SPAG16: variants seen among roughly 807,000 people sequenced by gnomAD.
The protein encoded by SPAG16 is sperm associated antigen 16.
SPAG16 carries 86 observed loss-of-function variants against 80.4 expected under a neutral mutation model. That is an observed-to-expected ratio of 1.07 (90% CI 0.90 to 1.28). The LOEUF is 1.28. Ranked by LOEUF, SPAG16 falls within the 50% of genes most tolerant of loss-of-function variation. SPAG16 has a pLI of 0.00. For synonymous variants in SPAG16, 294 were observed against 265.9 expected, an observed-to-expected ratio of 1.11 and a Z score of -1.03; for missense variants, 870 against 765.3, an observed-to-expected ratio of 1.14 and a Z score of -1.61.
At chr2:214,347,864 G>A (rs189197946) in intron 15 of SPAG16, among the ~76,000 whole-genome samples, 10 of 152,288 alleles carry the variant, frequency 6.6e-5, no homozygotes, top group African/African-American at 2.4e-4. Flanking sequence ...CCATTCAGCT[G>A]TGAACACAAG....
chr2:213,969,501 TAGGCCTTTATAAACGAAGCTTCACATAGC>T (rs1200926920), intron 12 of SPAG16, among the ~76,000 whole-genome samples: 1 of 152,144 alleles, frequency 6.6e-6, no homozygotes, highest in Non-Finnish European at 1.5e-5. Flanking sequence ...CAGTGGGATT[TAGGCCTTTATAAACGAAGCTTCACATAGC>T]ATTTGGCTTT....
chr2:214,028,071 T>C (rs2048225557), intron 13 of SPAG16, among the ~76,000 whole-genome samples: 1 of 151,964 alleles, frequency 6.6e-6, no homozygotes, highest in Non-Finnish European at 1.5e-5. Context: ...ACACACATTT[T>C]TATGATGTGT....
At chr2:213,347,744 T>G (rs2065078437) in intron 6 of SPAG16, among the ~76,000 whole-genome samples, 1 of 152,236 alleles carries the variant, frequency 6.6e-6, no homozygotes, top group Non-Finnish European at 1.5e-5. Context: ...CACTGTGGTC[T>G]GAGAGATAGT....
intron 9 of SPAG16, among the ~76,000 whole-genome samples, chr2:213,402,672 C>T (rs1438783480): frequency 5.3e-5 from 8 of 151,430 alleles, no homozygotes; most frequent in South Asian, 2.1e-4. Flanking sequence ...TGAGAACATG[C>T]GGTGTTTGGT....
chr2:214,070,654 A>G (rs772836872), intron 13 of SPAG16, among the ~76,000 whole-genome samples: 1 of 152,086 alleles, frequency 6.6e-6, no homozygotes, highest in South Asian at 2.1e-4. Flanking sequence ...TGAGCTGATC[A>G]TATAGATTCC....
chr2:213,704,929 C>G (rs1226441701), intron 10 of SPAG16, among the ~76,000 whole-genome samples: 1 of 151,996 alleles, frequency 6.6e-6, no homozygotes, highest in Admixed American at 6.6e-5. Flanking sequence ...TCTGCCTGAA[C>G]TACGGTAGTG....
At chr2:213,495,809 A>C (rs1056457865) in intron 10 of SPAG16, among the ~76,000 whole-genome samples, 1 of 152,158 alleles carries the variant, frequency 6.6e-6, no homozygotes, top group East Asian at 1.9e-4. Flanking sequence ...GTCAGAGAGA[A>C]CAGCAAATGC....
At chr2:214,214,099 G>A (rs1009805178) in intron 15 of SPAG16, among the ~76,000 whole-genome samples, 2 of 151,580 alleles carry the variant, frequency 1.3e-5, no homozygotes, top group Non-Finnish European at 2.9e-5. Context: ...TTTATTCTAT[G>A]GAAACAATTT....
chr2:213,417,056 G>A (rs1031211367), intron 9 of SPAG16, among the ~76,000 whole-genome samples: 1 of 152,162 alleles, frequency 6.6e-6, no homozygotes, highest in Non-Finnish European at 1.5e-5. Context: ...ATTGACTCGT[G>A]GGGTGTATGG....
At chr2:213,425,018 G>A (rs957677516) in intron 9 of SPAG16, among the ~76,000 whole-genome samples, 2 of 152,170 alleles carry the variant, frequency 1.3e-5, no homozygotes, top group Non-Finnish European at 2.9e-5. Context: ...CAAAGTAAGA[G>A]TATATATGAA....
chr2:213,851,186 T>A (rs1006132402), intron 10 of SPAG16, among the ~76,000 whole-genome samples: 1 of 152,186 alleles, frequency 6.6e-6, no homozygotes, highest in African/African-American at 2.4e-5. Flanking sequence ...AAAGAATTGA[T>A]ACGATGTTTA....
chr2:213,287,357 T>G (rs1309646733), intron 1 of SPAG16, among the ~76,000 whole-genome samples: 1 of 152,216 alleles, frequency 6.6e-6, no homozygotes, highest in Non-Finnish European at 1.5e-5. Flanking sequence ...TGCCTATTAA[T>G]GTATGGCTGC....
At chr2:214,027,187 G>T (rs1230697413) in intron 13 of SPAG16, among the ~76,000 whole-genome samples, 1 of 151,388 alleles carries the variant, frequency 6.6e-6, no homozygotes, top group Non-Finnish European at 1.5e-5. Flanking sequence ...ATTTTTGTAT[G>T]CTATAGATAA....
chr2:213,711,559 G>A (rs774699797), intron 10 of SPAG16, among the ~76,000 whole-genome samples: 14 of 142,204 alleles, frequency 9.8e-5, no homozygotes, highest in Non-Finnish European at 9.1e-5. Context: ...GTCTTGCTCT[G>A]TTGCTCAGGC....
At chr2:214,140,258 G>GTT (rs35877599) in intron 14 of SPAG16, among the ~76,000 whole-genome samples, 1 of 150,170 alleles carries the variant, frequency 6.7e-6, no homozygotes, top group Non-Finnish European at 1.5e-5. Flanking sequence ...TTTATTTTGT[G>GTT]TTTTTTTCTT....
chr2:214,122,040 A>G (rs2054245951), intron 14 of SPAG16, among the ~76,000 whole-genome samples: 1 of 151,812 alleles, frequency 6.6e-6, no homozygotes, highest in African/African-American at 2.4e-5. Context: ...TTTGTTTTCA[A>G]ATAAGTAGAA....
intron 12 of SPAG16, among the ~76,000 whole-genome samples, chr2:214,005,570 T>C (rs576638376): frequency 6.6e-6 from 1 of 152,312 alleles, no homozygotes; most frequent in South Asian, 2.1e-4. Context: ...CAGACTGTGG[T>C]GAATCTTATG....
At chr2:213,481,230 A>T (rs2073733486) in intron 9 of SPAG16, among the ~76,000 whole-genome samples, 1 of 152,174 alleles carries the variant, frequency 6.6e-6, no homozygotes, top group African/African-American at 2.4e-5. Flanking sequence ...TGAAATTTCC[A>T]CTTCTATCAA....
chr2:213,538,205 A>G (rs1687540680), intron 10 of SPAG16, among the ~76,000 whole-genome samples: 1 of 152,188 alleles, frequency 6.6e-6, no homozygotes, highest in Non-Finnish European at 1.5e-5. Context: ...CTGTACATGT[A>G]GCAAAAAATT....
Sources: gnomAD v4.1 joint callset for allele counts (sites outside exome capture counted in the v4.1 genomes callset) on GRCh38, gnomAD v4.1.1 for gene constraint, MANE v1.5 for transcripts, NCBI Gene and HGNC (gene_info 2026-07-23, HGNC 2026-07-21) for gene names.